The following FCHO1 variants were observed in gnomAD, a reference collection of about 807,000 sequenced individuals.
FCHO1 encodes the protein FCH and mu domain containing endocytic adaptor 1, also known as F-BAR domain only protein 1.
A neutral mutation model predicts 114.4 loss-of-function variants in FCHO1; 45 were observed. The ratio of observed to expected loss-of-function variants is 0.39; its 90% CI spans 0.31 to 0.50. The LOEUF is 0.50. FCHO1 is among the 20% of genes least tolerant of loss of function. FCHO1 has a pLI of 0.77. For missense variants in FCHO1, 1,042 were observed against 1,209.6 expected (o/e 0.86, Z 2.06); for synonymous variants, 480 against 488.9 (o/e 0.98, Z 0.24).
Position 17,762,906 on chromosome 19 carries a change from A to C in FCHO1, c.119+53A>C. The C allele has an allele frequency of 4.9e-6, 6 of 1,236,800 alleles. No homozygotes were observed. The South Asian group carries it at 7.2e-5, about 15-fold the overall frequency. 76.6% of individuals were successfully genotyped at this position (1,236,800 alleles called of 1,614,324 possible). On this transcript the variant is annotated intron_variant, in intron 5 of 28. Transcript: ENST00000596536. ...AGGCCACGCCCACCATCCTGTAGTC[A>C]CGCCCACCTAATGGCTACGCCCTGC...
At position 17,784,215 on chromosome 19, in the gene FCHO1, G is replaced by A. The variant is rs752500369; in HGVS notation, c.2206G>A (p.Val736Met). ...EQNPTASYYN[V>M]VLLRYQFSRP... ...GAACCCCACTGCCTCCTACTACAACGTGGTGCTGCTGCGATACCAGGTGCG... is the reference window on the plus strand; with the variant it reads ...GAACCCCACTGCCTCCTACTACAACATGGTGCTGCTGCGATACCAGGTGCG... The change falls in exon 25 of 29, where the codon GTG becomes ATG. Residue 736 changes from valine (V) to methionine (M), a missense_variant. Transcript: ENST00000596536. The surrounding 1 kb of genome is among the most constrained non-coding windows in gnomAD (Gnocchi z 5.3). 3.1e-6 allele frequency: 5 copies of A among 1,611,360 alleles called. No homozygotes were observed. The highest frequency in any genetic ancestry group is 1.7e-5 in the Admixed American group (1 of 59,488).
At position 17,775,635 on chromosome 19, in the gene FCHO1, A is replaced by T. The variant is rs1244556424; in HGVS notation, c.1003+122A>T. ...ATCCTGGAGAGAGTCTCCTTTGTGGATGAAGCCAACCTAAATGTAAACACC... is the reference window on the plus strand; with the variant it reads ...ATCCTGGAGAGAGTCTCCTTTGTGGTTGAAGCCAACCTAAATGTAAACACC... On this transcript the variant is annotated intron_variant, in intron 15 of 28. Transcript: ENST00000596536. This position sits in a 1 kb window ranked among gnomAD's most constrained non-coding sequence, Gnocchi z 5.1. 3.1e-6 allele frequency: 3 copies of T among 969,700 alleles called. No homozygotes were observed. Among genetic ancestry groups the T allele is most frequent in the Non-Finnish European group, 4.9e-6 (3 of 611,856 alleles). The allele number at this position is 969,700 out of a possible 1,614,324, so 60.1% of individuals were successfully genotyped here. A position where few individuals can be genotyped will look rare whatever the true frequency, so the allele number is the denominator to read the frequency against.
At chr19:17,781,146 A>T in intron 20 of FCHO1, 85 bp from the exon 21 acceptor site, 3 of 925,612 alleles carry the variant, frequency 3.2e-6, no homozygotes, top group Non-Finnish European at 5.0e-6. Context: ...CCACCTCCTA[A>T]GATTTTGGCT....
At chr19:17,759,627 A>C (rs1230892975) in intron 4 of FCHO1, among the ~76,000 whole-genome samples, 1 of 151,978 alleles carries the variant, frequency 6.6e-6, no homozygotes, top group African/African-American at 2.4e-5. Context: ...GGTGGAGAGA[A>C]GCGGGATCAG....
At chr19:17,781,006 C>T (rs1023277422) in intron 20 of FCHO1, among the ~76,000 whole-genome samples, 1 of 152,240 alleles carries the variant, frequency 6.6e-6, no homozygotes, top group Admixed American at 6.5e-5. Context: ...TGATGGGGAG[C>T]TCACCCCTTA....
intron 22 of FCHO1, 33 bp from the exon 23 acceptor site, chr19:17,781,679 C>T (rs778285165): frequency 2.6e-5 from 41 of 1,558,662 alleles, no homozygotes; most frequent in Admixed American, 8.7e-5. Context: ...ACTGTCTATC[C>T]GTTGTTCCCC....
At chr19:17,780,161 C>CTTTT (rs11400972) in intron 20 of FCHO1, among the ~76,000 whole-genome samples, 1 of 103,390 alleles carries the variant, frequency 9.7e-6, no homozygotes, top group Non-Finnish European at 1.9e-5. Context: ...AGAAGAAGCT[C>CTTTT]TTTTTTTTTT....
chr19:17,770,344 CTG>C lies in FCHO1; in HGVS notation c.337-78_337-77del, dbSNP rs2091126451. 6.5e-6 allele frequency: 9 copies of C among 1,388,096 alleles called. No individual in the cohort carries two copies. The Admixed American group carries it at 1.6e-4, about 25-fold the overall frequency. The allele number at this position is 1,388,096 out of a possible 1,614,324, so 86.0% of individuals were successfully genotyped here. On this transcript the variant is annotated intron_variant, in intron 7 of 28. Coordinates refer to ENST00000596536, the MANE Select transcript of FCHO1 (RefSeq NM_015122.3). Reference sequence around the variant, plus strand: ...ACACACACACACACATAGAAAAAGACTGTGGAGCTGACATCACGTGGAGTGTT... The same window carrying C: ...ACACACACACACACATAGAAAAAGACTGGAGCTGACATCACGTGGAGTGTT...
At chr19:17,770,736 G>A (rs2146950822) in intron 8 of FCHO1, 56 bp from the exon 9 acceptor site, 1 of 1,590,760 alleles carries the variant, frequency 6.3e-7, no homozygotes, top group Non-Finnish European at 8.6e-7. Context: ...ATGGGGCCTG[G>A]GGGAGGCCCC....
Position 17,776,103 on chromosome 19 carries a change from C to T in FCHO1, c.1124C>T (p.Ala375Val). 2.5e-6 allele frequency: 4 copies of T among 1,612,752 alleles called. No homozygotes were observed. Among genetic ancestry groups the T allele is most frequent in the Non-Finnish European group, 3.4e-6 (4 of 1,179,908 alleles). Reference sequence around the variant, plus strand: ...CGGGCTCCAGCCTGCAGCCCCGAGGCAGCAGCGGCACAGCTCAGGGCCACC... The same window carrying T: ...CGGGCTCCAGCCTGCAGCCCCGAGGTAGCAGCGGCACAGCTCAGGGCCACC... ...PARAPACSPE[A>V]AAAQLRATAG... Residue 375 changes from alanine to valine, a missense_variant, in exon 16 of 29, where the codon GCA (alanine) becomes GTA (valine). Ala to Val is a moderately conservative substitution (Grantham distance 64). Around this residue, in one of 3 missense-constraint regions of FCHO1, gnomAD observed 450 missense variants for 564.1 expected, o/e 0.80. Coordinates refer to ENST00000596536, the MANE Select transcript of FCHO1 (RefSeq NM_015122.3). The surrounding 1 kb of genome is among the most constrained non-coding windows in gnomAD (Gnocchi z 4.4).
Position 17,762,817 on chromosome 19 carries a change from TCTC to T in FCHO1, c.85_87del (p.Ser29del). The T allele has an allele frequency of 6.2e-7, 1 of 1,613,894 alleles. No individual in the cohort carries two copies. Among genetic ancestry groups the T allele is most frequent in the Non-Finnish European group, 8.5e-7 (1 of 1,179,872 alleles). Reference sequence around the variant, plus strand: ...TACCACAGCGTGAAGCAGGGGCCCATCTCCACCAAGGAGCTGGCGGACTTCATC... The same window carrying T: ...TACCACAGCGTGAAGCAGGGGCCCATCACCAAGGAGCTGGCGGACTTCATC... On this transcript the variant is annotated inframe_deletion, in exon 5 of 29. Transcript: ENST00000596536.
At chr19:17,753,994 T>C (rs754004133) in intron 1 of FCHO1, among the ~76,000 whole-genome samples, 1 of 152,212 alleles carries the variant, frequency 6.6e-6, no homozygotes, top group Non-Finnish European at 1.5e-5. Flanking sequence ...TTAGGTAAAC[T>C]GAGGCACAGA....
intron 5 of FCHO1, 86 bp downstream of exon 5, chr19:17,762,939 G>A (rs2086938408): frequency 1.1e-6 from 1 of 934,854 alleles, no homozygotes; most frequent in African/African-American, 1.6e-5. Context: ...TGCATGGTCA[G>A]GGGCTAGAAC....
In FCHO1 at chr19:17,784,685, G is replaced by A. The variant is rs190745302; in HGVS notation, c.2227-40G>A. 2.7e-4 allele frequency: 425 copies of A among 1,594,862 alleles called. 8 individuals carry two copies. The Middle Eastern group carries it at 0.011, about 42-fold the overall frequency. On this transcript the variant is annotated intron_variant, in intron 25 of 28. Coordinates refer to ENST00000596536, the MANE Select transcript of FCHO1 (RefSeq NM_015122.3). The surrounding 1 kb of genome is among the most constrained non-coding windows in gnomAD (Gnocchi z 5.3). Reference sequence around the variant, plus strand: ...GCGCATGGTGTGGCAAGACAGGATGGCCCAAGCTGTGTCCTCTCTCTCATT... The same window carrying A: ...GCGCATGGTGTGGCAAGACAGGATGACCCAAGCTGTGTCCTCTCTCTCATT...
At chr19:17,774,511 G>A (rs780775182) in intron 13 of FCHO1, 33 bp downstream of exon 13, 2 of 1,577,312 alleles carry the variant, frequency 1.3e-6, no homozygotes, top group Non-Finnish European at 1.7e-6. Context: ...TCTGGCCCAG[G>A]CTAGACCGAG....
chr19:17,775,423 G>T lies in FCHO1; in HGVS notation c.946-33G>T. On this transcript the variant is annotated intron_variant, in intron 14 of 28. Coordinates refer to ENST00000596536, the MANE Select transcript of FCHO1 (RefSeq NM_015122.3). The surrounding 1 kb of genome is among the most constrained non-coding windows in gnomAD (Gnocchi z 5.1). ...GAGATGGAAGGTTCGATAGTGGGGC[G>T]CCTGACTCACTGCTGCCCCCTGACT... The T allele has an allele frequency of 1.9e-6, 3 of 1,599,112 alleles. No homozygotes were observed. Among genetic ancestry groups the T allele is most frequent in the Non-Finnish European group, 2.6e-6 (3 of 1,166,820 alleles).
rs148289484 is a variant in FCHO1, at chr19:17,774,426, C to T, written c.868C>T (p.Arg290Cys). The change falls in exon 13 of 29, where the codon CGC (arginine) becomes TGC (cysteine). Residue 290 changes from arginine to cysteine, a missense_variant. Coordinates refer to ENST00000596536, the MANE Select transcript of FCHO1 (RefSeq NM_015122.3). ...ACGTTTGCGGGGAGCCAAGGCCTTT[C>T]GCCTTCCAGGACTAAGCCGGCGGGA... Reference protein sequence around the residue: ...MKRLRGAKAFRLPGLSRRERE... With the variant: ...MKRLRGAKAFCLPGLSRRERE... The T allele has an allele frequency of 2.2e-5, 36 of 1,613,844 alleles. No individual in the cohort carries two copies. Among genetic ancestry groups the T allele is most frequent in the African/African-American group, 1.9e-4 (14 of 74,930 alleles).
At chr19:17,764,034 GCTT>G (rs1319427283) in intron 5 of FCHO1, among the ~76,000 whole-genome samples, 1 of 143,284 alleles carries the variant, frequency 7.0e-6, no homozygotes, top group East Asian at 2.2e-4. Context: ...GTGTCTGAAA[GCTT>G]CTTCATCTTT....
At chr19:17,757,053 G>A (rs533650973) in intron 4 of FCHO1, among the ~76,000 whole-genome samples, 36 of 152,190 alleles carry the variant, frequency 2.4e-4, no homozygotes, top group Non-Finnish European at 4.4e-4. Context: ...GCCGGGCATA[G>A]TAGCATGAGC....
Sources: allele counts gnomAD v4.1 joint callset (sites outside exome capture counted in the v4.1 genomes callset), GRCh38; gene constraint gnomAD v4.1.1; regional missense constraint gnomAD v4.1.1; non-coding constraint Gnocchi (gnomAD v3.1); transcripts MANE v1.5; gene names NCBI Gene and HGNC (gene_info 2026-07-23, HGNC 2026-07-21).